ATG10: variants seen among roughly 807,000 people sequenced by gnomAD.
The protein encoded by ATG10 is autophagy related 10.
A neutral mutation model predicts 32.1 loss-of-function variants in ATG10; 30 were observed. The ratio of observed to expected loss-of-function variants is 0.94; its 90% CI spans 0.70 to 1.27. The LOEUF is 1.27. Ranked by LOEUF, ATG10 falls within the 50% of genes most tolerant of loss-of-function variation. The pLI is 0.00. For synonymous variants in ATG10, 87 were observed against 91.5 expected, an observed-to-expected ratio of 0.95 and a Z score of 0.28; for missense variants, 233 against 262.3, an observed-to-expected ratio of 0.89 and a Z score of 0.77.
intron 3 of ATG10, among the ~76,000 whole-genome samples, chr5:82,091,485 T>C (rs1458791715): frequency 6.6e-6 from 1 of 152,176 alleles, no homozygotes; most frequent in Non-Finnish European, 1.5e-5. Context: ...CTGTGATCAT[T>C]TGAGTATATA....
intron 2 of ATG10, among the ~76,000 whole-genome samples, chr5:82,057,951 A>T (rs537533774): frequency 1.3e-4 from 20 of 152,308 alleles, no homozygotes; most frequent in Non-Finnish European, 2.8e-4. Context: ...TTCTTAATGT[A>T]CAATGCACTA....
At chr5:81,973,726 A>G (rs1222519370) in intron 1 of ATG10, among the ~76,000 whole-genome samples, 2 of 152,246 alleles carry the variant, frequency 1.3e-5, no homozygotes, top group Admixed American at 6.5e-5. Context: ...TCATTGCTTC[A>G]GAAAGGTTAA....
intron 5 of ATG10, among the ~76,000 whole-genome samples, chr5:82,213,935 T>G (rs1745584419): frequency 6.6e-6 from 1 of 152,224 alleles, no homozygotes; most frequent in Non-Finnish European, 1.5e-5. Flanking sequence ...TTGCTCTCTC[T>G]CGACTTTGGG....
intron 2 of ATG10, among the ~76,000 whole-genome samples, chr5:82,050,132 A>T (rs935114669): frequency 6.6e-6 from 1 of 152,024 alleles, no homozygotes. Context: ...TTACTTTTCC[A>T]CCTAACATAT....
chr5:82,085,552 C>T (rs1330001607), intron 3 of ATG10, among the ~76,000 whole-genome samples: 8 of 151,486 alleles, frequency 5.3e-5, no homozygotes, highest in African/African-American at 1.7e-4. Context: ...GACAACATAA[C>T]GGGTGCAGCA....
intron 5 of ATG10, among the ~76,000 whole-genome samples, chr5:82,189,439 C>A (rs1250840635): frequency 6.6e-6 from 1 of 152,096 alleles, no homozygotes; most frequent in South Asian, 2.1e-4. Context: ...TTTATAGATA[C>A]CACTTAAACC....
At chr5:82,094,076 A>G (rs934129523) in intron 3 of ATG10, among the ~76,000 whole-genome samples, 1 of 152,050 alleles carries the variant, frequency 6.6e-6, no homozygotes, top group Admixed American at 6.6e-5. Flanking sequence ...TTATTTTTCT[A>G]TGCTGCTCTC....
At chr5:82,198,853 A>T (rs946552482) in intron 5 of ATG10, among the ~76,000 whole-genome samples, 1 of 152,184 alleles carries the variant, frequency 6.6e-6, no homozygotes, top group African/African-American at 2.4e-5. Flanking sequence ...AGTATTACCT[A>T]ATGTTTAGTA....
At chr5:82,025,129 G>A (rs772379771) in intron 2 of ATG10, among the ~76,000 whole-genome samples, 6 of 152,150 alleles carry the variant, frequency 3.9e-5, no homozygotes, top group African/African-American at 9.7e-5. Flanking sequence ...GTTTTACCTC[G>A]GATAGCTTAG....
In ATG10 at chr5:82,164,479, T is replaced by C. The variant is rs2149900341; in HGVS notation, c.297T>C (p.His99=). The change falls in exon 4 of 8, where the codon CAT becomes CAC. Residue 99 remains histidine, a synonymous_variant. Coordinates refer to ENST00000282185, the MANE Select transcript of ATG10 (RefSeq NM_031482.5). Reference sequence around the variant, plus strand: ...CCGAAGTGATTAAATATGAGTATCATGTCTTATATTCCTGTAGCTACCAAG... The same window carrying C: ...CCGAAGTGATTAAATATGAGTATCACGTCTTATATTCCTGTAGCTACCAAG... ...AASEVIKYEY[H]VLYSCSYQVP... is the part of the protein sequence containing the mutation. The C allele has an allele frequency of 6.2e-7, 1 of 1,612,858 alleles. No homozygotes were observed. The highest frequency in any genetic ancestry group is 1.1e-5 in the South Asian group (1 of 91,060).
At chr5:82,250,111 T>C (rs2150029423) in intron 5 of ATG10, among the ~76,000 whole-genome samples, 2 of 152,330 alleles carry the variant, frequency 1.3e-5, no homozygotes, top group South Asian at 4.2e-4. Flanking sequence ...CCCAAAAGAA[T>C]TTAGACTACA....
intron 3 of ATG10, among the ~76,000 whole-genome samples, chr5:82,158,673 G>T (rs1258687373): frequency 1.3e-5 from 2 of 151,950 alleles, no homozygotes; most frequent in Non-Finnish European, 2.9e-5. Flanking sequence ...AATCCCCCGT[G>T]TATACCTAGG....
intron 3 of ATG10, among the ~76,000 whole-genome samples, chr5:82,118,140 T>C (rs1406389813): frequency 6.6e-6 from 1 of 151,540 alleles, no homozygotes; most frequent in Non-Finnish European, 1.5e-5. Flanking sequence ...AAGAAAAATA[T>C]TGATGTTATT....
At chr5:82,163,328 G>T (rs1743439382) in intron 3 of ATG10, among the ~76,000 whole-genome samples, 2 of 152,116 alleles carry the variant, frequency 1.3e-5, no homozygotes, top group South Asian at 2.1e-4. Context: ...CTCCAGTTGT[G>T]ATTTATCCAT....
At chr5:82,210,083 T>C (rs191071432) in intron 5 of ATG10, among the ~76,000 whole-genome samples, 2 of 152,360 alleles carry the variant, frequency 1.3e-5, no homozygotes, top group Admixed American at 6.5e-5. Context: ...TTAATAGAAG[T>C]TTGAAGTCCA....
At chr5:82,160,982 T>TGTA (rs1352096477) in intron 3 of ATG10, among the ~76,000 whole-genome samples, 1 of 152,258 alleles carries the variant, frequency 6.6e-6, no homozygotes, top group East Asian at 1.9e-4. Flanking sequence ...TACTAGAATC[T>TGTA]CCAGGAATAC....
intron 2 of ATG10, chr5:82,010,121 G>A (rs910566841): frequency 1.1e-5 from 17 of 1,543,968 alleles, no homozygotes; most frequent in African/African-American, 6.8e-5. Flanking sequence ...TTTCCTCGGC[G>A]GCGTCATCTG....
At chr5:82,129,263 G>C (rs989627638) in intron 3 of ATG10, among the ~76,000 whole-genome samples, 15 of 151,974 alleles carry the variant, frequency 9.9e-5, no homozygotes, top group African/African-American at 2.7e-4. Flanking sequence ...TTTCAAGGCT[G>C]TTAGCTTCCT....
At chr5:82,139,857 C>A (rs1338546299) in intron 3 of ATG10, among the ~76,000 whole-genome samples, 5 of 137,032 alleles carry the variant, frequency 3.6e-5, no homozygotes, top group South Asian at 2.4e-4. Flanking sequence ...TCAGCCCCCC[C>A]ACCCGGCCAG....
Sources: gnomAD v4.1 joint callset for allele counts (sites outside exome capture counted in the v4.1 genomes callset) on GRCh38, gnomAD v4.1.1 for gene constraint, MANE v1.5 for transcripts, NCBI Gene and HGNC (gene_info 2026-07-23, HGNC 2026-07-21) for gene names.